The following KCNQ5 variants were observed in gnomAD, a reference collection of about 807,000 sequenced individuals.
KCNQ5 encodes the protein potassium voltage-gated channel subfamily KQT member 5.
In KCNQ5, 30 loss-of-function variants were observed where a neutral mutation model predicts 98.2. The ratio of observed to expected loss-of-function variants is 0.31; its 90% CI spans 0.23 to 0.41. KCNQ5 has a LOEUF of 0.41. KCNQ5 is among the 10% of genes least tolerant of loss of function. KCNQ5 has a pLI of 1.00. For synonymous variants in KCNQ5, 458 were observed against 449.4 expected, an observed-to-expected ratio of 1.02 and a Z score of -0.24; for missense variants, 835 against 1,182.5, an observed-to-expected ratio of 0.71 and a Z score of 4.31.
At position 73,191,241 on chromosome 6, in the gene KCNQ5, A is replaced by G. The variant is rs540245157; in HGVS notation, c.1709+537A>G. On this transcript the variant is annotated intron_variant, in intron 12 of 13. Coordinates refer to ENST00000370398, the MANE Select transcript of KCNQ5 (RefSeq NM_019842.4). Reference sequence around the variant, plus strand: ...TACTGCAGAGCACAAGAGCACTCAGAATCTCGGTGTGCTGGGCCAAAGTTG... The same window carrying G: ...TACTGCAGAGCACAAGAGCACTCAGGATCTCGGTGTGCTGGGCCAAAGTTG... Among the ~76,000 whole-genome samples, 9 of 152,222 alleles carry G rather than the reference A, an allele frequency of 5.9e-5. No individual in the cohort carries two copies. In the South Asian group the frequency reaches 1.7e-3, roughly 28 times the overall value.
intron 5 of KCNQ5, among the ~76,000 whole-genome samples, chr6:73,103,737 G>A (rs1236415058): frequency 8.9e-6 from 1 of 112,550 alleles, no homozygotes; most frequent in African/African-American, 3.4e-5. Flanking sequence ...GAGGGAAGCG[G>A]AGATGGTTAA....
intron 2 of KCNQ5, among the ~76,000 whole-genome samples, chr6:73,021,160 G>A (rs1312591426): frequency 2.0e-5 from 3 of 152,104 alleles, no homozygotes; most frequent in Non-Finnish European, 4.4e-5. Flanking sequence ...TTGTGTTCTG[G>A]GGTTCAACAC....
chr6:72,877,488 C>T lies in KCNQ5; in HGVS notation c.399-126420C>T, dbSNP rs548817623. On this transcript the variant is annotated intron_variant, in intron 1 of 13. Transcript: ENST00000370398. ...CATTGATGGGCATTTGGGTTGGTTC[C>T]ATGTCTTTGCTATTGTAAATAGTGC... Among the ~76,000 whole-genome samples the T allele has an allele frequency of 5.3e-5, 8 of 152,092 alleles. No homozygotes were observed. In the South Asian group the frequency reaches 1.7e-3, roughly 32 times the overall value.
intron 1 of KCNQ5, among the ~76,000 whole-genome samples, chr6:72,988,073 A>G (rs1261921756): frequency 2.0e-5 from 3 of 152,170 alleles, no homozygotes; most frequent in African/African-American, 7.2e-5. Context: ...CCAGGAGAAC[A>G]AGTGAGTGGC....
At chr6:72,857,858 A>G (rs1777595993) in intron 1 of KCNQ5, among the ~76,000 whole-genome samples, 1 of 152,222 alleles carries the variant, frequency 6.6e-6, no homozygotes, top group Non-Finnish European at 1.5e-5. Flanking sequence ...TTGAAGAATA[A>G]AAGTATGTTC....
chr6:72,784,469 G>A (rs1186818261), intron 1 of KCNQ5, among the ~76,000 whole-genome samples: 1 of 152,148 alleles, frequency 6.6e-6, no homozygotes, highest in Non-Finnish European at 1.5e-5. Flanking sequence ...ACTCTATGAG[G>A]TAATGTATTC....
At chr6:73,055,362 A>T in intron 3 of KCNQ5, 1 of 1,457,076 alleles carries the variant, frequency 6.9e-7, no homozygotes, top group South Asian at 1.1e-5. Context: ...GAGCAGCACT[A>T]TGGGGCTCTA....
chr6:73,176,300 G>T (rs562273751), intron 11 of KCNQ5, among the ~76,000 whole-genome samples: 14 of 152,240 alleles, frequency 9.2e-5, no homozygotes, highest in Non-Finnish European at 1.9e-4. Context: ...TGGTTTAAAA[G>T]TGTGTAGCAC....
At chr6:72,952,198 A>C (rs1766838950) in intron 1 of KCNQ5, among the ~76,000 whole-genome samples, 1 of 152,208 alleles carries the variant, frequency 6.6e-6, no homozygotes, top group Non-Finnish European at 1.5e-5. Flanking sequence ...TCAAAGTTTG[A>C]CTTCAAAGAA....
intron 1 of KCNQ5, among the ~76,000 whole-genome samples, chr6:72,937,778 A>G (rs1428315928): frequency 6.6e-6 from 1 of 152,164 alleles, no homozygotes. Context: ...AATTTTTTTT[A>G]TTTTAATACA....
chr6:72,875,408 G>A (rs1778368906), intron 1 of KCNQ5, among the ~76,000 whole-genome samples: 2 of 152,124 alleles, frequency 1.3e-5, no homozygotes, highest in African/African-American at 4.8e-5. Context: ...GGAGTTTCCA[G>A]TGCAGACTCT....
At chr6:72,636,076 T>A (rs1385900539) in intron 1 of KCNQ5, among the ~76,000 whole-genome samples, 1 of 152,164 alleles carries the variant, frequency 6.6e-6, no homozygotes, top group Non-Finnish European at 1.5e-5. Context: ...TTTAAAAGTT[T>A]TTACCTTCTG....
chr6:72,704,670 TAA>T (rs1270686080), intron 1 of KCNQ5, among the ~76,000 whole-genome samples: 1 of 152,082 alleles, frequency 6.6e-6, no homozygotes, highest in Non-Finnish European at 1.5e-5. Context: ...CATGTAAATA[TAA>T]AGTTTCCTCT....
chr6:73,066,864 A>G (rs1020001256), intron 3 of KCNQ5, among the ~76,000 whole-genome samples: 2 of 152,148 alleles, frequency 1.3e-5, no homozygotes, highest in African/African-American at 4.8e-5. Context: ...GAACACTTCT[A>G]TTCCTTCTTA....
chr6:72,715,571 A>G (rs1323455299), intron 1 of KCNQ5, among the ~76,000 whole-genome samples: 1 of 152,194 alleles, frequency 6.6e-6, no homozygotes, highest in Admixed American at 6.5e-5. Context: ...TTCTGAAGTC[A>G]GCTCATGCCT....
intron 1 of KCNQ5, among the ~76,000 whole-genome samples, chr6:72,802,399 C>A (rs1774707600): frequency 6.6e-6 from 1 of 152,076 alleles, no homozygotes; most frequent in Admixed American, 6.6e-5. Flanking sequence ...ACTGACCTCT[C>A]ATTCTTTATG....
At chr6:73,103,497 A>G (rs1774879115) in intron 5 of KCNQ5, among the ~76,000 whole-genome samples, 3 of 143,690 alleles carry the variant, frequency 2.1e-5, no homozygotes, top group Non-Finnish European at 3.1e-5. Flanking sequence ...GGGGGGGGGG[A>G]GAGGGGAGGG....
intron 6 of KCNQ5, among the ~76,000 whole-genome samples, chr6:73,110,421 G>A (rs1775196364): frequency 6.6e-6 from 1 of 152,048 alleles, no homozygotes; most frequent in African/African-American, 2.4e-5. Context: ...GAAAAGAGTG[G>A]GGGACATCAA....
chr6:73,025,623 C>CAAAAAAAAAAAAAAAAAAAAAAAAAAAA (rs58607159), intron 2 of KCNQ5, among the ~76,000 whole-genome samples: 9 of 52,998 alleles, frequency 1.7e-4, no homozygotes, highest in African/African-American at 2.9e-4. Context: ...AACTCCATCT[C>CAAAAAAAAAAAAAAAAAAAAAAAAAAAA]AAAAAAAAAA....
Sources: allele counts gnomAD v4.1 joint callset (sites outside exome capture counted in the v4.1 genomes callset), GRCh38; gene constraint gnomAD v4.1.1; transcripts MANE v1.5; gene names NCBI Gene and HGNC (gene_info 2026-07-23, HGNC 2026-07-21).